The following C12orf42 variants were observed in gnomAD, a reference collection of about 807,000 sequenced individuals.
C12orf42 encodes the protein chromosome 12 open reading frame 42, also known as uncharacterized protein C12orf42.
In C12orf42, 25 loss-of-function variants were observed where a neutral mutation model predicts 21.6. The observed-to-expected ratio is 1.16, with a 90% confidence interval of 0.84 to 1.62. C12orf42 has a LOEUF of 1.62. Among genes scored for constraint, C12orf42 ranks in the 40% most tolerant of loss-of-function variants. C12orf42 has a pLI of 0.00. For missense variants in C12orf42, 483 were observed against 459.3 expected, an observed-to-expected ratio of 1.05 and a Z score of -0.47; for synonymous variants, 174 against 175.0, an observed-to-expected ratio of 0.99 and a Z score of 0.05.
the C12orf42 span, among the ~76,000 whole-genome samples, chr12:103,526,251 C>A: frequency 2.0e-5 from 3 of 152,152 alleles, no homozygotes; most frequent in African/African-American, 7.2e-5. Context: ...AATCTTCAGG[C>A]AAATAAAGCA....
At chr12:103,083,103 G>T in the C12orf42 span, among the ~76,000 whole-genome samples, 30 of 152,262 alleles carry the variant, frequency 2.0e-4, no homozygotes, top group African/African-American at 7.2e-4. Flanking sequence ...GGTGGCTGAC[G>T]CCTGTAATTC....
chr12:103,189,081 G>T, the C12orf42 span, among the ~76,000 whole-genome samples: 1 of 150,046 alleles, frequency 6.7e-6, no homozygotes, highest in Non-Finnish European at 1.5e-5. Flanking sequence ...ACTTACAAAA[G>T]AAACGACTCC....
At chr12:103,478,545 T>A in intron 1 of C12orf42, 98 bp from the exon 2 acceptor site, 1 of 509,564 alleles carries the variant, frequency 2.0e-6, no homozygotes, top group Non-Finnish European at 3.3e-6. Flanking sequence ...AATCATCCTA[T>A]CCATGAACAT....
chr12:103,116,381 A>AAAATATATATATATAT, the C12orf42 span, among the ~76,000 whole-genome samples: 38 of 136,694 alleles, frequency 2.8e-4, no homozygotes, highest in African/African-American at 1.0e-3. Flanking sequence ...AAAAAAAAAA[A>AAAATATATATATATAT]ATATATATAT....
chr12:103,293,351 A>G (rs1230401073), intron 4 of C12orf42, among the ~76,000 whole-genome samples: 1 of 152,094 alleles, frequency 6.6e-6, no homozygotes, highest in Non-Finnish European at 1.5e-5. Context: ...CGTTTCCTCT[A>G]CCTAACTATG....
intron 4 of C12orf42, among the ~76,000 whole-genome samples, chr12:103,288,622 T>C (rs1220148845): frequency 2.6e-5 from 4 of 152,204 alleles, no homozygotes; most frequent in Non-Finnish European, 5.9e-5. Context: ...AATATTTTTA[T>C]TTTTTCAGAT....
At chr12:103,207,249 T>C in the C12orf42 span, among the ~76,000 whole-genome samples, 2 of 152,222 alleles carry the variant, frequency 1.3e-5, no homozygotes, top group South Asian at 2.1e-4. Context: ...TTTTGTGTTA[T>C]GAACCACTGA....
the C12orf42 span, among the ~76,000 whole-genome samples, chr12:103,074,234 G>A: frequency 6.6e-6 from 1 of 152,146 alleles, no homozygotes; most frequent in African/African-American, 2.4e-5. Context: ...AAGAAACTTT[G>A]TTCTTGAAGA....
intron 4 of C12orf42, among the ~76,000 whole-genome samples, chr12:103,323,798 C>T (rs1040953364): frequency 8.5e-5 from 13 of 152,296 alleles, no homozygotes; most frequent in African/African-American, 2.4e-4. Flanking sequence ...ATCCAAAGAA[C>T]TGAGTTACAC....
downstream of C12orf42, among the ~76,000 whole-genome samples, chr12:103,265,310 T>C (rs1220518497): frequency 1.3e-5 from 2 of 152,282 alleles, no homozygotes; most frequent in East Asian, 3.9e-4. Context: ...TTTCAGCAAG[T>C]ATTTATCAAA....
At chr12:103,394,641 GATTGTTT>G (rs2047361698) in intron 3 of C12orf42, among the ~76,000 whole-genome samples, 2 of 152,136 alleles carry the variant, frequency 1.3e-5, no homozygotes, top group Non-Finnish European at 2.9e-5. Flanking sequence ...AAATACTAAC[GATTGTTT>G]CCCAACAATT....
intron 1 of C12orf42, among the ~76,000 whole-genome samples, chr12:103,485,532 G>T (rs1015650902): frequency 6.6e-6 from 1 of 152,114 alleles, no homozygotes; most frequent in South Asian, 2.1e-4. Flanking sequence ...GCTTGATGGG[G>T]ATAGCACTGA....
At chr12:103,446,932 T>C (rs975525548) in intron 2 of C12orf42, among the ~76,000 whole-genome samples, 2 of 151,946 alleles carry the variant, frequency 1.3e-5, no homozygotes, top group Non-Finnish European at 2.9e-5. Context: ...TAATACTCCA[T>C]TGACAGCATT....
intron 4 of C12orf42, among the ~76,000 whole-genome samples, chr12:103,345,752 G>GT: frequency 6.6e-6 from 1 of 152,250 alleles, no homozygotes; most frequent in Non-Finnish European, 1.5e-5. Context: ...TAGTATTATA[G>GT]TAAGTCAACT....
the C12orf42 span, among the ~76,000 whole-genome samples, chr12:103,520,078 G>A: frequency 3.9e-5 from 6 of 152,212 alleles, no homozygotes; most frequent in Non-Finnish European, 7.3e-5. Context: ...CTTGACTAAC[G>A]TGGAGGGTGA....
At chr12:103,268,933 A>G (rs1353465698) in exon 7 of C12orf42, 1 of 152,150 alleles carries the variant, frequency 6.6e-6, no homozygotes, top group East Asian at 1.9e-4. Flanking sequence ...TTTTCTTTCA[A>G]GAAGGCAGGT....
At chr12:103,404,632 T>C (rs1411835813) in intron 2 of C12orf42, among the ~76,000 whole-genome samples, 2 of 152,208 alleles carry the variant, frequency 1.3e-5, no homozygotes, top group African/African-American at 4.8e-5. Context: ...AGAGGTGCTT[T>C]GCTCTAAAAT....
chr12:103,173,762 G>T, the C12orf42 span, among the ~76,000 whole-genome samples: 1 of 151,944 alleles, frequency 6.6e-6, no homozygotes, highest in Non-Finnish European at 1.5e-5. Context: ...CTGATTAATC[G>T]TGTGGTTTCT....
At chr12:103,326,545 C>T (rs891986598) in intron 4 of C12orf42, among the ~76,000 whole-genome samples, 1 of 152,168 alleles carries the variant, frequency 6.6e-6, no homozygotes, top group African/African-American at 2.4e-5. Context: ...ACCTTACCAC[C>T]CTCTGCCTTT....
Sources: gnomAD v4.1 joint callset for allele counts (sites outside exome capture counted in the v4.1 genomes callset) on GRCh38, gnomAD v4.1.1 for gene constraint, MANE v1.5 for transcripts, NCBI Gene and HGNC (gene_info 2026-07-23, HGNC 2026-07-21) for gene names.